The following PPP2R1A variants were observed in gnomAD, a reference collection of about 807,000 sequenced individuals.
PPP2R1A encodes the protein protein phosphatase 2 scaffold subunit Aalpha.
Under a neutral mutation model 67.1 loss-of-function variants are expected in PPP2R1A, and 15 were observed. The observed-to-expected ratio is 0.22, with a 90% CI of 0.15 to 0.34. The LOEUF is 0.34. Among genes scored for constraint, PPP2R1A ranks in the 10% least tolerant of loss-of-function variants. The probability of loss-of-function intolerance (pLI) is 1.00; values close to 1 mark genes in which losing one functional copy is unlikely to be tolerated. For synonymous variants in PPP2R1A, 337 were observed against 325.0 expected, an observed-to-expected ratio of 1.04 and a Z score of -0.40; for missense variants, 369 against 775.0, an observed-to-expected ratio of 0.48 and a Z score of 6.22.
At chr19:52,195,278 G>A (rs2089488018) in intron 1 of PPP2R1A, among the ~76,000 whole-genome samples, 1 of 152,040 alleles carries the variant, frequency 6.6e-6, no homozygotes, top group African/African-American at 2.4e-5. Context: ...CCCAGTCTAG[G>A]GTGGTAAGTG....
intron 1 of PPP2R1A, among the ~76,000 whole-genome samples, chr19:52,198,189 G>A (rs1042613047): frequency 8.5e-5 from 13 of 152,184 alleles, no homozygotes; most frequent in African/African-American, 3.1e-4. Context: ...TACAAGGATT[G>A]CCCAAGATTC....
intron 2 of PPP2R1A, among the ~76,000 whole-genome samples, chr19:52,205,669 G>C (rs1273147629): frequency 6.6e-6 from 1 of 152,214 alleles, no homozygotes; most frequent in Non-Finnish European, 1.5e-5. Context: ...ACGAGGGAGG[G>C]ATGGTGAACA....
At position 52,228,289 on chromosome 19, in the gene PPP2R1A, G is replaced by A. The variant is rs1164180013; in HGVS notation, c.*2308G>A. 1.3e-5 allele frequency: 2 copies of A among 152,214 alleles called. No homozygotes were observed. Among genetic ancestry groups the A allele is most frequent in the African/African-American group, 2.4e-5 (1 of 41,430 alleles). The allele number at this position is 152,214 out of a possible 1,614,324, so 9.4% of individuals were successfully genotyped here. A position where few individuals can be genotyped will look rare whatever the true frequency, so the allele number is the denominator to read the frequency against. ...GACCACAGGAGTGAGTATGAGAGAC[G>A]AGGGTGAAGGATAGCTTGAGTTATT... On this transcript the variant is annotated 3_prime_UTR_variant, in exon 15 of 15. Coordinates refer to ENST00000322088, the MANE Select transcript of PPP2R1A (RefSeq NM_014225.6).
chr19:52,220,051 G>A, intron 10 of PPP2R1A, 138 bp from the exon 11 acceptor site: 4 of 1,220,196 alleles, frequency 3.3e-6, no homozygotes, highest in Non-Finnish European at 4.7e-6. Context: ...GAGAGAGGAG[G>A]GAAAGGAGCA....
chr19:52,203,875 A>T (rs186208226), intron 2 of PPP2R1A, among the ~76,000 whole-genome samples: 1 of 152,146 alleles, frequency 6.6e-6, no homozygotes, highest in Non-Finnish European at 1.5e-5. Flanking sequence ...TCAGGGAAAC[A>T]CTTATGTTTA....
At chr19:52,193,180 C>T (rs889037688) in intron 1 of PPP2R1A, among the ~76,000 whole-genome samples, 2 of 152,250 alleles carry the variant, frequency 1.3e-5, no homozygotes, top group Admixed American at 1.3e-4. Context: ...AATAACATGG[C>T]CAAAGCTGTG....
rs778644015 is a variant in PPP2R1A, at chr19:52,215,870, C to T, written c.899C>T (p.Ala300Val). The T allele has an allele frequency of 6.2e-7, 1 of 1,614,040 alleles. No homozygotes were observed. The highest frequency in any genetic ancestry group is 8.5e-7 in the Non-Finnish European group (1 of 1,179,926). ...LMKDCEAEVR[A>V]AASHKVKEFC... ...AAAGACTGTGAGGCCGAGGTGAGGGCCGCAGCCTCCCACAAGGTCAAAGGT... is the reference window on the plus strand; with the variant it reads ...AAAGACTGTGAGGCCGAGGTGAGGGTCGCAGCCTCCCACAAGGTCAAAGGT... Residue 300 changes from alanine (A) to valine (V), a missense_variant, in exon 7 of 15, where the codon GCC (alanine) becomes GTC (valine). Transcript: ENST00000322088.
chr19:52,214,449 C>T (rs1410561839), intron 6 of PPP2R1A, among the ~76,000 whole-genome samples: 1 of 152,218 alleles, frequency 6.6e-6, no homozygotes, highest in Non-Finnish European at 1.5e-5. Flanking sequence ...AACTGTGTCA[C>T]ACTGGGTCTT....
intron 13 of PPP2R1A, chr19:52,222,515 T>G (rs1979001272): frequency 3.1e-6 from 1 of 317,996 alleles, no homozygotes; most frequent in African/African-American, 2.1e-5. Context: ...TATGTAAGTA[T>G]GTGTATAATT....
intron 2 of PPP2R1A, among the ~76,000 whole-genome samples, chr19:52,204,018 A>G (rs939242394): frequency 6.6e-6 from 1 of 152,194 alleles, no homozygotes. Flanking sequence ...GTGTTTCACC[A>G]TCTGGAAGCT....
At position 52,213,188 on chromosome 19, in the gene PPP2R1A, G is replaced by A. The variant is rs576130734; in HGVS notation, c.807+78G>A. On this transcript the variant is annotated intron_variant, in intron 6 of 14. Transcript: ENST00000322088. This position sits in a 1 kb window ranked among gnomAD's most constrained non-coding sequence, Gnocchi z 4.2. ...AGAAGGGAAGCATATAGGAGCTGAG[G>A]TTTCCATTAGGCCGATGGAACCATT... 6.8e-6 allele frequency: 10 copies of A among 1,460,830 alleles called. No homozygotes were observed. In the South Asian group the frequency reaches 1.5e-4, roughly 21 times the overall value. 90.5% of individuals were successfully genotyped at this position (1,460,830 alleles called of 1,614,324 possible). A position where few individuals can be genotyped will look rare whatever the true frequency, so the allele number is the denominator to read the frequency against.
chr19:52,224,049 A>G (rs564900856), intron 13 of PPP2R1A, among the ~76,000 whole-genome samples: 1 of 152,374 alleles, frequency 6.6e-6, no homozygotes, highest in Non-Finnish European at 1.5e-5. Flanking sequence ...GCCTGCTATA[A>G]GCAGCAACAG....
chr19:52,210,388 G>A (rs1600166426), intron 3 of PPP2R1A, among the ~76,000 whole-genome samples: 1 of 151,908 alleles, frequency 6.6e-6, no homozygotes, highest in Middle Eastern at 3.4e-3. Context: ...CCAGAGCTGT[G>A]TGTAACTGTT....
chr19:52,216,067 G>T lies in PPP2R1A; in HGVS notation c.986G>T (p.Cys329Phe). The T allele has an allele frequency of 6.2e-7, 1 of 1,613,184 alleles. No homozygotes were observed. The highest frequency in any genetic ancestry group is 8.5e-7 in the Non-Finnish European group (1 of 1,179,136). The change falls in exon 8 of 15, where the codon TGC (cysteine) becomes TTC (phenylalanine). Residue 329 changes from cysteine to phenylalanine, a missense_variant. This residue lies in a region of PPP2R1A where 276 missense variants were observed against 508.4 expected (regional missense o/e 0.54). Transcript: ENST00000322088. The surrounding 1 kb of genome is among the most constrained non-coding windows in gnomAD (Gnocchi z 4.3). ...GTGATCATGTCCCAGATCTTGCCCT[G>T]CATCAAGGTAACAGAGAGTTTGATG... ...ENVIMSQILP[C>F]IKELVSDANQ...
chr19:52,225,675 C>A, intron 13 of PPP2R1A, 42 bp from the exon 14 acceptor site: 1 of 1,587,034 alleles, frequency 6.3e-7, no homozygotes. Context: ...CCCAGTCCAT[C>A]CTGGCTCACC....
intron 13 of PPP2R1A, among the ~76,000 whole-genome samples, chr19:52,223,672 C>T (rs920426729): frequency 6.6e-5 from 10 of 152,134 alleles, no homozygotes; most frequent in South Asian, 2.1e-4. Context: ...TATGACTACA[C>T]GCCTCCCAGA....
Position 52,212,415 on chromosome 19 carries a change from G to A in PPP2R1A, c.504-271G>A, listed in dbSNP as rs2089678276. On this transcript the variant is annotated intron_variant, in intron 4 of 14. Transcript: ENST00000322088. This position sits in a 1 kb window ranked among gnomAD's most constrained non-coding sequence, Gnocchi z 4.1. Reference sequence around the variant, plus strand: ...GTTAAGCAATTTTTATGGGAATGATGTAATCGTCAGCACTTAGCATTGACT... The same window carrying A: ...GTTAAGCAATTTTTATGGGAATGATATAATCGTCAGCACTTAGCATTGACT... The A allele has an allele frequency of 4.3e-6, 2 of 466,844 alleles. 1 individual carries two copies. Among genetic ancestry groups the A allele is most frequent in the Middle Eastern group, 1.2e-3 (2 of 1,690 alleles). The allele number at this position is 466,844 out of a possible 1,614,324, so 28.9% of individuals were successfully genotyped here. A position where few individuals can be genotyped will look rare whatever the true frequency, so the allele number is the denominator to read the frequency against.
Position 52,219,076 on chromosome 19 carries a change from A to G in PPP2R1A, c.1129-615A>G, listed in dbSNP as rs1282208937. The stretch of plus-strand genomic sequence containing the variant: ...GGTGCACCAAAAATAAGTCTTTTTA[A>G]ATGGGTGAGGTATAGTCTCTGAGCC... On this transcript the variant is annotated intron_variant, in intron 9 of 14. Transcript: ENST00000322088. The surrounding 1 kb of genome is among the most constrained non-coding windows in gnomAD (Gnocchi z 4.0). Among the ~76,000 whole-genome samples, 1 of 152,226 alleles carries G rather than the reference A, an allele frequency of 6.6e-6. No individual in the cohort carries two copies. Among genetic ancestry groups the G allele is most frequent in the Non-Finnish European group, 1.5e-5 (1 of 68,042 alleles).
At chr19:52,202,132 A>G in intron 2 of PPP2R1A, 98 bp downstream of exon 2, 1 of 1,038,632 alleles carries the variant, frequency 9.6e-7, no homozygotes, top group Non-Finnish European at 1.5e-6. Context: ...ATTGTTTGTG[A>G]ATATCTGCCC....
Sources: allele counts gnomAD v4.1 joint callset (sites outside exome capture counted in the v4.1 genomes callset), GRCh38; gene constraint gnomAD v4.1.1; regional missense constraint gnomAD v4.1.1; non-coding constraint Gnocchi (gnomAD v3.1); transcripts MANE v1.5; gene names NCBI Gene and HGNC (gene_info 2026-07-23, HGNC 2026-07-21).